The following SLITRK5 variants were observed in gnomAD, a reference collection of about 807,000 sequenced individuals.
SLITRK5 encodes the protein SLIT and NTRK-like protein 5.
In SLITRK5, 23 loss-of-function variants were observed where a neutral mutation model predicts 56.2. That is an observed-to-expected ratio of 0.41 (90% CI 0.29 to 0.58). The LOEUF (loss-of-function observed/expected upper bound fraction) is 0.58, where lower values mean the gene tolerates loss of function less well. Among genes scored for constraint, SLITRK5 ranks in the 20% least tolerant of loss-of-function variants. The pLI is 0.30. For missense variants in SLITRK5, 1,289 were observed against 1,226.6 expected, an observed-to-expected ratio of 1.05 and a Z score of -0.76; for synonymous variants, 637 against 531.8, an observed-to-expected ratio of 1.20 and a Z score of -2.72.
rs918074883 is a variant in SLITRK5, at chr13:87,671,520, A to G, written c.-698A>G. ...ACCCGGTGTTGCTTACCGCGTTGCCACCTCCTCGGCGCCCGGGAGGAAGAC... is the reference window on the plus strand; with the variant it reads ...ACCCGGTGTTGCTTACCGCGTTGCCGCCTCCTCGGCGCCCGGGAGGAAGAC... On this transcript the variant is annotated 5_prime_UTR_variant, in exon 1 of 2. Transcript: ENST00000683689. 2.0e-5 allele frequency among the ~76,000 whole-genome samples: 3 copies of G among 151,150 alleles called. No individual in the cohort carries two copies. The highest frequency in any genetic ancestry group is 7.3e-5 in the African/African-American group (3 of 41,028).
At position 87,671,583 on chromosome 13, in the gene SLITRK5, G is replaced by A. The variant is rs1314540409; in HGVS notation, c.-635G>A. Among the ~76,000 whole-genome samples the A allele has an allele frequency of 6.6e-6, 1 of 152,052 alleles. No individual in the cohort carries two copies. The highest frequency in any genetic ancestry group is 1.9e-4 in the East Asian group (1 of 5,140). On this transcript the variant is annotated 5_prime_UTR_variant, in exon 1 of 2. Coordinates refer to ENST00000683689, the MANE Select transcript of SLITRK5 (RefSeq NM_001384609.1). Reference sequence around the variant, plus strand: ...GAGTTTTTTTTAGAGCCACCGGGCTGCCAGGACAAGCCACAGGCATAGAAC... The same window carrying A: ...GAGTTTTTTTTAGAGCCACCGGGCTACCAGGACAAGCCACAGGCATAGAAC...
In SLITRK5 at chr13:87,676,855, G is replaced by A. The variant is rs1207122807; in HGVS notation, c.1467G>A (p.Gln489=). 4 of 1,614,072 alleles carry A rather than the reference G, an allele frequency of 2.5e-6. No individual in the cohort carries two copies. Among genetic ancestry groups the A allele is most frequent in the Non-Finnish European group, 2.5e-6 (3 of 1,180,014 alleles). ...GLQSLQYLFL[Q]YNLIREIQSG... is the part of the protein sequence containing the mutation. ...AGAGCCTGCAGTATCTCTTCCTCCA[G>A]TACAATCTCATCCGCGAGATTCAGT... The change falls in exon 2 of 2, where the codon CAG becomes CAA. Residue 489 remains glutamine (Q), a synonymous_variant. Transcript: ENST00000683689.
Position 87,678,103 on chromosome 13 carries a change from G to T in SLITRK5, c.2715G>T (p.Gly905=). The T allele has an allele frequency of 6.2e-7, 1 of 1,614,214 alleles. No individual in the cohort carries two copies. The highest frequency in any genetic ancestry group is 8.5e-7 in the Non-Finnish European group (1 of 1,180,040). Residue 905 remains glycine (G), a synonymous_variant, in exon 2 of 2, where the codon GGG becomes GGT. Transcript: ENST00000683689. ...GCCCCCATCAGTATTTGCACCCGGG[G>T]GCAGGGGACAGCAGGCTACGGGAAC... ...LRRPHQYLHP[G]AGDSRLREPV...
In SLITRK5 at chr13:87,672,034, G is replaced by T. The variant is rs952908185; in HGVS notation, c.-184G>T. Among the ~76,000 whole-genome samples the T allele has an allele frequency of 9.9e-5, 15 of 152,192 alleles. No individual in the cohort carries two copies. The highest frequency in any genetic ancestry group is 3.4e-4 in the African/African-American group (14 of 41,558). On this transcript the variant is annotated 5_prime_UTR_variant, in exon 1 of 2. Transcript: ENST00000683689. The stretch of plus-strand genomic sequence containing the variant: ...CGCTCCCTCTGGCTCGTCCCCCGGC[G>T]TGCGCCACTGACCAGGGGGGAATGT...
In SLITRK5 at chr13:87,672,147, G is replaced by T. The variant is rs1388722345; in HGVS notation, c.-71G>T. Among the ~76,000 whole-genome samples the T allele has an allele frequency of 6.6e-6, 1 of 152,086 alleles. No homozygotes were observed. Among genetic ancestry groups the T allele is most frequent in the Non-Finnish European group, 1.5e-5 (1 of 67,990 alleles). On this transcript the variant is annotated 5_prime_UTR_variant, in exon 1 of 2. It adds an upstream start codon to the 5' untranslated region. Coordinates refer to ENST00000683689, the MANE Select transcript of SLITRK5 (RefSeq NM_001384609.1). ...CCGGAGGGTGCGAGGAGCCAGAGGA[G>T]GCTGGAGGGGGCGGCGGCCACAGCT...
At position 87,678,710 on chromosome 13, in the gene SLITRK5, T is replaced by G. The variant is rs1877407561; in HGVS notation, c.*445T>G. The G allele has an allele frequency of 6.0e-6, 1 of 166,012 alleles. No homozygotes were observed. Among genetic ancestry groups the G allele is most frequent in the Non-Finnish European group, 1.4e-5 (1 of 70,666 alleles). 10.3% of individuals were successfully genotyped at this position (166,012 alleles called of 1,614,324 possible). A position where few individuals can be genotyped will look rare whatever the true frequency, so the allele number is the denominator to read the frequency against. On this transcript the variant is annotated 3_prime_UTR_variant, in exon 2 of 2. Transcript: ENST00000683689. ...TAAGCCATGGGTGGGTCTAACTGGC[T>G]TTTGTGGAGAAATTAGCACACCCCA... is the stretch of plus-strand genomic sequence containing the variant.
rs866188299 is a variant in SLITRK5 at position 87,672,456 on chromosome 13, C to G, written c.-9+247C>G. Among the ~76,000 whole-genome samples, 23 of 150,004 alleles carry G rather than the reference C, an allele frequency of 1.5e-4. No individual in the cohort carries two copies. In the South Asian group the frequency reaches 2.1e-3, roughly 14 times the overall value. On this transcript the variant is annotated intron_variant, in intron 1 of 1. Transcript: ENST00000683689. ...CCCCGCCCCGCCCGGCTCCGGCTCC[C>G]GGCCCCTACCGCGAGGCGCCTCTCC...
intron 1 of SLITRK5, chr13:87,674,272 T>G: frequency 1.2e-5 from 6 of 480,012 alleles, no homozygotes; most frequent in Non-Finnish European, 1.6e-5. Flanking sequence ...GTCCTTTCCC[T>G]GAGATTAAAA....
In SLITRK5 at chr13:87,677,393, A is replaced by C. The variant is rs1877327431; in HGVS notation, c.2005A>C (p.Ser669Arg). The C allele has an allele frequency of 6.2e-7, 1 of 1,613,810 alleles. No homozygotes were observed. The highest frequency in any genetic ancestry group is 8.5e-7 in the Non-Finnish European group (1 of 1,179,952). The change falls in exon 2 of 2, where the codon AGC becomes CGC. Residue 669 changes from serine to arginine, a missense_variant. Physicochemically the swap from Ser to Arg is moderately radical, Grantham distance 110. Coordinates refer to ENST00000683689, the MANE Select transcript of SLITRK5 (RefSeq NM_001384609.1). This position sits in a 1 kb window ranked among gnomAD's most constrained non-coding sequence, Gnocchi z 4.7. ...GGTGCCCTTGTCTGTGTTAATTCTCAGCCTCCTGCTGGTTTTCATCATGTC... is the reference window on the plus strand; with the variant it reads ...GGTGCCCTTGTCTGTGTTAATTCTCCGCCTCCTGCTGGTTTTCATCATGTC... ...SSVPLSVLILSLLLVFIMSVF... is the reference protein window; with the variant it reads ...SSVPLSVLILRLLLVFIMSVF...
rs1286365380 is a variant in SLITRK5 at position 87,678,334 on chromosome 13, C to T, written c.*69C>T. 4.3e-6 allele frequency: 6 copies of T among 1,383,338 alleles called. No homozygotes were observed. The highest frequency in any genetic ancestry group is 2.3e-5 in the East Asian group (1 of 43,324). 85.7% of individuals were successfully genotyped at this position (1,383,338 alleles called of 1,614,324 possible). A position where few individuals can be genotyped will look rare whatever the true frequency, so the allele number is the denominator to read the frequency against. On this transcript the variant is annotated 3_prime_UTR_variant, in exon 2 of 2. Transcript: ENST00000683689. ...AGCAAGCAGACACACACAGTGAACACATTTGATTAATTGTGTTGTTTCAAC... is the reference window on the plus strand; with the variant it reads ...AGCAAGCAGACACACACAGTGAACATATTTGATTAATTGTGTTGTTTCAAC...
At chr13:87,675,338 T>C (rs1251533914) in intron 1 of SLITRK5, 43 bp from the exon 2 acceptor site, 1 of 1,420,824 alleles carries the variant, frequency 7.0e-7, no homozygotes. Flanking sequence ...CCTTAAATTT[T>C]TGTCATATTC....
In SLITRK5 at chr13:87,671,870, G is replaced by A. The variant is rs1877042381; in HGVS notation, c.-348G>A. 6.6e-6 allele frequency among the ~76,000 whole-genome samples: 1 copy of A among 152,058 alleles called. No homozygotes were observed. The highest frequency in any genetic ancestry group is 1.5e-5 in the Non-Finnish European group (1 of 67,996). ...GTGGTCGCCGCTGCGCTGGGGGGCGGAGGACAGCGCAGGAGCTGCAGCCGC... is the reference window on the plus strand; with the variant it reads ...GTGGTCGCCGCTGCGCTGGGGGGCGAAGGACAGCGCAGGAGCTGCAGCCGC... On this transcript the variant is annotated 5_prime_UTR_variant, in exon 1 of 2. Transcript: ENST00000683689.
chr13:87,673,476 G>A, intron 1 of SLITRK5: 1 of 810,820 alleles, frequency 1.2e-6, no homozygotes, highest in South Asian at 1.4e-5. Context: ...GGGGTGGGAG[G>A]TGAATGGGGG....
rs1349410033 is a variant in SLITRK5 at position 87,671,948 on chromosome 13, C to A, written c.-270C>A. On this transcript the variant is annotated 5_prime_UTR_variant, in exon 1 of 2. Coordinates refer to ENST00000683689, the MANE Select transcript of SLITRK5 (RefSeq NM_001384609.1). ...GGTGCCACCTTTGCTCGCCCCCTCA[C>A]TACCATGTACAGTGTGCGCTGCAAG... Among the ~76,000 whole-genome samples the A allele has an allele frequency of 6.6e-6, 1 of 152,138 alleles. No homozygotes were observed. The highest frequency in any genetic ancestry group is 1.5e-5 in the Non-Finnish European group (1 of 68,030).
Position 87,677,942 on chromosome 13 carries a change from G to C in SLITRK5, c.2554G>C (p.Asp852His). The change falls in exon 2 of 2, where the codon GAC (aspartate) becomes CAC (histidine). Residue 852 changes from aspartate to histidine, a missense_variant. Physicochemically the swap from Asp to His is moderately conservative, Grantham distance 81 (BLOSUM62 -1). Coordinates refer to ENST00000683689, the MANE Select transcript of SLITRK5 (RefSeq NM_001384609.1). This position sits in a 1 kb window ranked among gnomAD's most constrained non-coding sequence, Gnocchi z 4.7. The part of the protein sequence containing the change: ...EDLLSPVQDA[D>H]RFYRGILEPD... ...CCTGCTGTCGCCGGTGCAGGACGCC[G>C]ACCGCTTTTACAGGGGCATTTTAGA... 3.7e-6 allele frequency: 6 copies of C among 1,613,798 alleles called. No individual in the cohort carries two copies. Among genetic ancestry groups the C allele is most frequent in the Non-Finnish European group, 5.1e-6 (6 of 1,179,856 alleles).
intron 1 of SLITRK5, among the ~76,000 whole-genome samples, chr13:87,674,125 A>C (rs1356467171): frequency 2.6e-5 from 4 of 152,014 alleles, no homozygotes; most frequent in Non-Finnish European, 1.5e-5. Context: ...AGGGGACAAA[A>C]AGAGAGCAAG....
chr13:87,674,434 G>A, intron 1 of SLITRK5: 3 of 984,180 alleles, frequency 3.0e-6, no homozygotes, highest in Non-Finnish European at 2.4e-6. Flanking sequence ...CTGATCCTTG[G>A]TGTACTGATT....
Position 87,675,553 on chromosome 13 carries a change from G to C in SLITRK5, c.165G>C (p.Glu55Asp), listed in dbSNP as rs1375282228. 1.9e-6 allele frequency: 3 copies of C among 1,614,060 alleles called. No homozygotes were observed. The Admixed American group carries it at 5.0e-5, about 27-fold the overall frequency. The stretch of plus-strand genomic sequence containing the variant: ...TCTGTGACAATGCATGTCCTTGTGA[G>C]GAAAAGGACGGCATTTTAACTGTGA... ...GEICDNACPC[E>D]EKDGILTVSC... is the part of the protein sequence containing the mutation. Residue 55 changes from glutamate to aspartate, a missense_variant, in exon 2 of 2, where the codon GAG (glutamate) becomes GAC (aspartate). Glu to Asp is a conservative substitution (Grantham distance 45, BLOSUM62 2). This residue lies in a region of SLITRK5 where 291 missense variants were observed against 286.7 expected (regional missense o/e 1.02). Transcript: ENST00000683689.
chr13:87,673,231 T>G (rs951797539), intron 1 of SLITRK5, among the ~76,000 whole-genome samples: 1 of 148,478 alleles, frequency 6.7e-6, no homozygotes, highest in Non-Finnish European at 1.5e-5. Flanking sequence ...TCTGAGAATG[T>G]TCAGCGCACC....
Sources: gnomAD v4.1 joint callset for allele counts (sites outside exome capture counted in the v4.1 genomes callset) on GRCh38, gnomAD v4.1.1 for gene constraint, gnomAD v4.1.1 regional missense constraint, Gnocchi (gnomAD v3.1) non-coding constraint, MANE v1.5 for transcripts, NCBI Gene and HGNC (gene_info 2026-07-23, HGNC 2026-07-21) for gene names.